The following GARRE1 variants were observed in gnomAD, a reference collection of about 807,000 sequenced individuals.
GARRE1 encodes granule associated Rac and RHOG effector protein 1.
GARRE1 carries 49 observed loss-of-function variants against 103.2 expected under a neutral mutation model. The observed-to-expected ratio is 0.47, with a 90% CI of 0.38 to 0.60. The LOEUF (loss-of-function observed/expected upper bound fraction) is 0.60, where lower values mean the gene tolerates loss of function less well. GARRE1 is among the 20% of genes least tolerant of loss of function. The pLI, the probability that GARRE1 is intolerant of heterozygous loss-of-function variation, is 0.00. For missense variants in GARRE1, 1,199 were observed against 1,370.5 expected (o/e 0.87, Z 1.98); for synonymous variants, 505 against 532.8 (o/e 0.95, Z 0.72).
chr19:34,276,240 G>A (rs546113526), intron 1 of GARRE1, among the ~76,000 whole-genome samples: 14 of 151,984 alleles, frequency 9.2e-5, no homozygotes, highest in African/African-American at 3.1e-4. Flanking sequence ...ATGGGGTTTC[G>A]CCATGTTGAC....
chr19:34,322,794 G>C (rs1469348407), intron 3 of GARRE1, among the ~76,000 whole-genome samples: 1 of 151,666 alleles, frequency 6.6e-6, no homozygotes, highest in Admixed American at 6.6e-5. Flanking sequence ...CGCCATGTTG[G>C]CCAGGATGGT....
At chr19:34,343,452 T>C (rs887105885) in intron 10 of GARRE1, among the ~76,000 whole-genome samples, 13 of 152,204 alleles carry the variant, frequency 8.5e-5, no homozygotes, top group African/African-American at 3.1e-4. Context: ...AAAGCCACTT[T>C]AAGACAGTAC....
Position 34,320,108 on chromosome 19 carries a change from G to T in GARRE1, c.697G>T (p.Ala233Ser). 1 of 1,613,664 alleles carries T rather than the reference G, an allele frequency of 6.2e-7. No homozygotes were observed. Among genetic ancestry groups the T allele is most frequent in the South Asian group, 1.1e-5 (1 of 91,054 alleles). Residue 233 changes from alanine to serine, a missense_variant, in exon 3 of 14, where the codon GCT becomes TCT. By Grantham distance (99) the Ala-to-Ser change is moderately conservative. Coordinates refer to ENST00000299505, the MANE Select transcript of GARRE1 (RefSeq NM_014686.5). ...VEEAVRSWRG[A>S]AEATSRLRER... ...GGAAGCTGTGCGGTCCTGGCGGGGG[G>T]CTGCTGAGGTAACCCTGGCTTTGGG...
chr19:34,347,772 C>CA, intron 10 of GARRE1, 105 bp from the exon 11 acceptor site: 1 of 1,123,672 alleles, frequency 8.9e-7, no homozygotes, highest in Non-Finnish European at 1.2e-6. Flanking sequence ...GGCAGCTCCT[C>CA]ACTGCCTTTC....
At chr19:34,281,438 C>T (rs2073852793) in intron 1 of GARRE1, among the ~76,000 whole-genome samples, 1 of 152,218 alleles carries the variant, frequency 6.6e-6, no homozygotes, top group Non-Finnish European at 1.5e-5. Flanking sequence ...CTACAGACGC[C>T]TGCCACTATG....
intron 1 of GARRE1, among the ~76,000 whole-genome samples, chr19:34,257,579 GT>G (rs898284989): frequency 1.1e-4 from 16 of 152,092 alleles, no homozygotes. Context: ...AAAAATGTTG[GT>G]TTAGATAAGG....
At chr19:34,309,825 T>C (rs141210590) in intron 2 of GARRE1, among the ~76,000 whole-genome samples, 71 of 152,318 alleles carry the variant, frequency 4.7e-4, no homozygotes, top group African/African-American at 1.7e-3. Context: ...TGAAGTGGTC[T>C]TCTAACAGAA....
At chr19:34,349,786 T>G (rs1254249218) in intron 12 of GARRE1, among the ~76,000 whole-genome samples, 1 of 151,956 alleles carries the variant, frequency 6.6e-6, no homozygotes, top group Non-Finnish European at 1.5e-5. Context: ...CCGGGTTACT[T>G]GGTCCCTGCT....
intron 1 of GARRE1, among the ~76,000 whole-genome samples, chr19:34,257,768 T>C (rs964812517): frequency 6.6e-6 from 1 of 152,198 alleles, no homozygotes; most frequent in Admixed American, 6.5e-5. Context: ...AACTGATGCA[T>C]GCAGTGGCCA....
At chr19:34,265,510 G>C (rs1475048710) in intron 1 of GARRE1, 1 of 152,234 alleles carries the variant, frequency 6.6e-6, no homozygotes, top group Non-Finnish European at 1.5e-5. Context: ...AGGAGGGAGT[G>C]GTGGGCACGG....
intron 1 of GARRE1, among the ~76,000 whole-genome samples, chr19:34,259,712 G>T (rs1030733628): frequency 2.6e-5 from 4 of 152,072 alleles, no homozygotes; most frequent in Non-Finnish European, 4.4e-5. Context: ...GAGGGGACAT[G>T]AGGAGCCAGG....
intron 3 of GARRE1, among the ~76,000 whole-genome samples, chr19:34,322,929 A>G (rs2074095945): frequency 6.6e-6 from 1 of 151,902 alleles, no homozygotes; most frequent in African/African-American, 2.4e-5. Flanking sequence ...GCAAACACAG[A>G]TTAAAAGATA....
At chr19:34,292,299 C>T (rs1460800356) in intron 1 of GARRE1, among the ~76,000 whole-genome samples, 1 of 152,224 alleles carries the variant, frequency 6.6e-6, no homozygotes, top group Admixed American at 6.5e-5. Context: ...TAGCATTTAT[C>T]AGAACCTCAT....
At chr19:34,255,941 G>A (rs1248702704) in intron 1 of GARRE1, among the ~76,000 whole-genome samples, 3 of 151,636 alleles carry the variant, frequency 2.0e-5, no homozygotes, top group African/African-American at 4.8e-5. Flanking sequence ...TCCCGGGTTC[G>A]AGCGATTCTC....
intron 7 of GARRE1, among the ~76,000 whole-genome samples, chr19:34,332,251 A>T (rs186843422): frequency 1.3e-5 from 2 of 152,070 alleles, no homozygotes; most frequent in African/African-American, 4.8e-5. Flanking sequence ...TTTCCTCAGT[A>T]TAGGGACCTC....
chr19:34,272,418 C>CA (rs1358165226), intron 1 of GARRE1, among the ~76,000 whole-genome samples: 2 of 152,092 alleles, frequency 1.3e-5, no homozygotes, highest in East Asian at 1.9e-4. Context: ...AGGCTGGTCT[C>CA]AAACTCCTGA....
In GARRE1 at chr19:34,328,165, G is replaced by A. The variant is rs2074121106; in HGVS notation, c.1104+14G>A. 1 of 1,612,032 alleles carries A rather than the reference G, an allele frequency of 6.2e-7. No individual in the cohort carries two copies. The highest frequency in any genetic ancestry group is 1.7e-5 in the Admixed American group (1 of 59,952). On this transcript the variant is annotated intron_variant, in intron 6 of 13. Coordinates refer to ENST00000299505, the MANE Select transcript of GARRE1 (RefSeq NM_014686.5). ...AAACTTAAGACGGTAGCTTTCCATG[G>A]GGTTCCAGCAAATGAGTGTGAACTT...
intron 2 of GARRE1, among the ~76,000 whole-genome samples, chr19:34,314,295 A>T (rs1294554090): frequency 6.6e-6 from 1 of 152,190 alleles, no homozygotes; most frequent in Non-Finnish European, 1.5e-5. Context: ...TTGATATGGT[A>T]ACAGATTTTT....
At chr19:34,273,452 C>T (rs563836308) in intron 1 of GARRE1, among the ~76,000 whole-genome samples, 5 of 152,072 alleles carry the variant, frequency 3.3e-5, no homozygotes, top group African/African-American at 4.8e-5. Flanking sequence ...CTACTGCCTC[C>T]GTGGTTGGCA....
Sources: gnomAD v4.1 joint callset for allele counts (sites outside exome capture counted in the v4.1 genomes callset) on GRCh38, gnomAD v4.1.1 for gene constraint, MANE v1.5 for transcripts, NCBI Gene and HGNC (gene_info 2026-07-23, HGNC 2026-07-21) for gene names.